AK9: variants seen among roughly 807,000 people sequenced by gnomAD.
AK9 encodes adenylate kinase 9.
A neutral mutation model predicts 239.6 loss-of-function variants in AK9; 191 were observed. The observed-to-expected ratio is 0.80, with a 90% CI of 0.71 to 0.90. The LOEUF (loss-of-function observed/expected upper bound fraction) is 0.90. Ranked by LOEUF, AK9 falls within the 40% of genes least tolerant of loss-of-function variation. AK9 has a pLI of 0.00. For missense variants in AK9, 1,995 were observed against 2,214.7 expected (o/e 0.90, Z 1.99); for synonymous variants, 689 against 721.0 (o/e 0.96, Z 0.71).
In AK9 at chr6:109,573,577, T is replaced by A. The variant is rs755213964; in HGVS notation, c.2209A>T (p.Asn737Tyr). Reference sequence around the variant, plus strand: ...CCTTCAATCTCCTCTTCATCCTCATTATCAGTCTCTTCAGCTTCTAAAAAA... The same window carrying A: ...CCTTCAATCTCCTCTTCATCCTCATAATCAGTCTCTTCAGCTTCTAAAAAA... ...VKAKEAEETD[N>Y]EDEEEIEGDE... The change falls in exon 21 of 41, where the codon AAT (asparagine) becomes TAT (tyrosine). Residue 737 changes from asparagine to tyrosine, a missense_variant. This residue lies in a region of AK9 where 1,290 missense variants were observed against 1,392.7 expected (regional missense o/e 0.93). Coordinates refer to ENST00000424296, the MANE Select transcript of AK9 (RefSeq NM_001145128.3). 1.3e-6 allele frequency: 2 copies of A among 1,547,724 alleles called. No homozygotes were observed. The highest frequency in any genetic ancestry group is 8.7e-7 in the Non-Finnish European group (1 of 1,145,692).
chr6:109,594,079 C>T (rs1365680226), intron 17 of AK9, among the ~76,000 whole-genome samples: 1 of 152,168 alleles, frequency 6.6e-6, no homozygotes, highest in Non-Finnish European at 1.5e-5. Context: ...CAAAATTTAT[C>T]TCTTTGCAGA....
chr6:109,534,265 GTTAA>G (rs200561669), intron 27 of AK9, among the ~76,000 whole-genome samples: 1,641 of 149,328 alleles, frequency 0.011, 30 homozygotes, highest in African/African-American at 0.038. Flanking sequence ...TAACTGGAAT[GTTAA>G]TTAGAGCACT....
intron 29 of AK9, 43 bp downstream of exon 29, chr6:109,528,968 C>T: frequency 1.9e-6 from 3 of 1,576,054 alleles, no homozygotes; most frequent in Non-Finnish European, 2.6e-6. Context: ...CCCTGGGCAA[C>T]AGAGTGAGAC....
chr6:109,525,665 G>T (rs1240066942), intron 29 of AK9, among the ~76,000 whole-genome samples: 5 of 152,134 alleles, frequency 3.3e-5, no homozygotes, highest in African/African-American at 9.7e-5. Flanking sequence ...AATAACAGAT[G>T]TTAGTGAGGT....
Position 109,516,628 on chromosome 6 carries a change from ATC to A in AK9, c.3646_3647del (p.Asp1216Ter), listed in dbSNP as rs1175988123. 6.5e-7 allele frequency: 1 copy of A among 1,549,070 alleles called. No individual in the cohort carries two copies. Among genetic ancestry groups the A allele is most frequent in the Non-Finnish European group, 8.7e-7 (1 of 1,146,286 alleles). On this transcript the variant is annotated frameshift_variant, in exon 30 of 41. Transcript: ENST00000424296. LOFTEE classifies it high-confidence loss of function. ...GTTCTTCCTCACTAATCTCTTCATC[ATC>A]TCTAACAACATTCTAAGGAAGAAAA... ...DKKRRENVVR[D>X]DEEISEEELE...
intron 8 of AK9, among the ~76,000 whole-genome samples, chr6:109,654,801 T>C (rs1011421166): frequency 1.3e-5 from 2 of 152,190 alleles, no homozygotes; most frequent in African/African-American, 2.4e-5. Context: ...CTGAAGCAGT[T>C]TGCAGAATGT....
At chr6:109,592,886 ATCT>A (rs1302872451) in intron 17 of AK9, among the ~76,000 whole-genome samples, 1 of 151,886 alleles carries the variant, frequency 6.6e-6, no homozygotes, top group East Asian at 1.9e-4. Context: ...TAGTTTTCTG[ATCT>A]TCTTATATCT....
At chr6:109,534,284 T>G (rs1781675728) in intron 27 of AK9, among the ~76,000 whole-genome samples, 1 of 150,200 alleles carries the variant, frequency 6.7e-6, no homozygotes, top group Non-Finnish European at 1.5e-5. Context: ...AGCACTTATT[T>G]TAATTTATTT....
chr6:109,528,299 C>T (rs920704700), intron 29 of AK9: 4 of 353,406 alleles, frequency 1.1e-5, no homozygotes, highest in Non-Finnish European at 2.2e-5. Flanking sequence ...ACAGAGCAAA[C>T]TTTCAGAACA....
intron 17 of AK9, among the ~76,000 whole-genome samples, chr6:109,591,835 A>AT (rs1012140475): frequency 1.5e-4 from 21 of 142,482 alleles, no homozygotes; most frequent in African/African-American, 5.0e-4. Context: ...CTTGCCTGGC[A>AT]TTTTTTAAAA....
intron 27 of AK9, among the ~76,000 whole-genome samples, chr6:109,540,949 C>A (rs1321130979): frequency 6.6e-6 from 1 of 152,178 alleles, no homozygotes; most frequent in Non-Finnish European, 1.5e-5. Flanking sequence ...AAAAATCATA[C>A]TGTTAGCCTT....
intron 27 of AK9, among the ~76,000 whole-genome samples, chr6:109,536,455 T>C (rs896809642): frequency 6.6e-6 from 1 of 152,246 alleles, no homozygotes; most frequent in Non-Finnish European, 1.5e-5. Flanking sequence ...ATTGACTTTG[T>C]ATCCTGAGAC....
chr6:109,529,434 T>C (rs939723915), intron 28 of AK9, among the ~76,000 whole-genome samples: 6 of 152,164 alleles, frequency 3.9e-5, no homozygotes, highest in Non-Finnish European at 7.4e-5. Context: ...TAACACACTA[T>C]TAAATAGCCT....
intron 1 of AK9, 52 bp from the exon 2 acceptor site, chr6:109,675,808 GT>G: frequency 1.9e-6 from 2 of 1,053,184 alleles, no homozygotes; most frequent in Non-Finnish European, 2.8e-6. Flanking sequence ...GTTGGATGAG[GT>G]GACTAGGAAC....
chr6:109,606,580 G>T (rs1792912349), intron 17 of AK9, among the ~76,000 whole-genome samples: 3 of 152,164 alleles, frequency 2.0e-5, no homozygotes, highest in Non-Finnish European at 4.4e-5. Context: ...CAGAGTGGCA[G>T]GTTTGACACA....
chr6:109,676,324 C>A (rs903878201), intron 1 of AK9, among the ~76,000 whole-genome samples: 2 of 151,898 alleles, frequency 1.3e-5, no homozygotes, highest in African/African-American at 4.8e-5. Context: ...TGCTCTTAAG[C>A]GGATTTCTAG....
At chr6:109,513,100 A>C (rs1183758144) in intron 32 of AK9, among the ~76,000 whole-genome samples, 10 of 152,212 alleles carry the variant, frequency 6.6e-5, no homozygotes, top group Non-Finnish European at 1.2e-4. Context: ...CCTGGGCTCA[A>C]GTAATCCTCC....
intron 24 of AK9, among the ~76,000 whole-genome samples, chr6:109,552,506 G>A (rs547588744): frequency 6.6e-6 from 1 of 152,270 alleles, no homozygotes; most frequent in African/African-American, 2.4e-5. Flanking sequence ...GTCTTCTTTT[G>A]AGAAGTGTCT....
chr6:109,498,533 T>C (rs1777292428), intron 36 of AK9, among the ~76,000 whole-genome samples: 1 of 152,280 alleles, frequency 6.6e-6, no homozygotes, highest in African/African-American at 2.4e-5. Context: ...ACTACCAATC[T>C]TTTAAAATCA....
Sources: allele counts gnomAD v4.1 joint callset (sites outside exome capture counted in the v4.1 genomes callset), GRCh38; gene constraint gnomAD v4.1.1; regional missense constraint gnomAD v4.1.1; transcripts MANE v1.5; gene names NCBI Gene and HGNC (gene_info 2026-07-23, HGNC 2026-07-21).